Variants in GRID2 observed in about 807,000 individuals in gnomAD.
The protein encoded by GRID2 is glutamate receptor ionotropic, delta-2.
GRID2 carries 33 observed loss-of-function variants against 114.8 expected under a neutral mutation model. The observed-to-expected ratio is 0.29, with a 90% confidence interval of 0.22 to 0.38. The LOEUF is 0.38. GRID2 is among the 10% of genes least tolerant of loss of function. The probability of loss-of-function intolerance (pLI) is 1.00; values close to 1 mark genes in which losing one functional copy is unlikely to be tolerated. For missense variants in GRID2, 1,184 were observed against 1,257.7 expected (o/e 0.94, Z 0.89); for synonymous variants, 505 against 449.9 (o/e 1.12, Z -1.55).
intron 1 of GRID2, among the ~76,000 whole-genome samples, chr4:92,331,073 G>A (rs1165358567): frequency 1.3e-5 from 2 of 152,172 alleles, no homozygotes; most frequent in African/African-American, 4.8e-5. Flanking sequence ...CCTACTTGTA[G>A]TTCATAGGAG....
intron 8 of GRID2, among the ~76,000 whole-genome samples, chr4:93,263,187 T>G (rs1317027427): frequency 6.6e-6 from 1 of 152,062 alleles, no homozygotes; most frequent in Non-Finnish European, 1.5e-5. Flanking sequence ...GATTTTAATC[T>G]TTTGTCATAT....
chr4:93,006,944 CT>C (rs1337373392), intron 2 of GRID2, among the ~76,000 whole-genome samples: 1 of 151,476 alleles, frequency 6.6e-6, no homozygotes, highest in African/African-American at 2.4e-5. Flanking sequence ...ACAAAAAACC[CT>C]GTCTTAAATA....
At chr4:92,484,919 T>A (rs1722791398) in intron 1 of GRID2, among the ~76,000 whole-genome samples, 1 of 152,086 alleles carries the variant, frequency 6.6e-6, no homozygotes, top group Non-Finnish European at 1.5e-5. Context: ...TCCTTCATAT[T>A]ACATGGAAAT....
chr4:92,470,010 T>A (rs1358450226), intron 1 of GRID2, among the ~76,000 whole-genome samples: 3 of 151,930 alleles, frequency 2.0e-5, no homozygotes, highest in African/African-American at 7.2e-5. Flanking sequence ...AGACATGAAA[T>A]ATTTTTTGTA....
intron 2 of GRID2, among the ~76,000 whole-genome samples, chr4:92,849,385 G>C (rs556149068): frequency 2.0e-5 from 3 of 151,994 alleles, no homozygotes; most frequent in Admixed American, 2.0e-4. Context: ...AATTCTGCCT[G>C]GAATGCACTC....
chr4:93,787,991 C>A (rs1356160164), intron 1 of GRID2, among the ~76,000 whole-genome samples: 1 of 151,934 alleles, frequency 6.6e-6, no homozygotes, highest in East Asian at 1.9e-4. Context: ...GGTAAAATAT[C>A]CAGGTGGACA....
At chr4:92,603,951 C>T (rs1337290139) in intron 2 of GRID2, among the ~76,000 whole-genome samples, 6 of 151,644 alleles carry the variant, frequency 4.0e-5, no homozygotes, top group African/African-American at 7.3e-5. Flanking sequence ...TCAACATCAC[C>T]GATCATTAGA....
intron 1 of GRID2, among the ~76,000 whole-genome samples, chr4:92,548,422 G>A (rs1486566042): frequency 6.2e-4 from 1 of 1,618 alleles, no homozygotes; most frequent in Non-Finnish European, 1.8e-3. Flanking sequence ...TTTTTTTTGA[G>A]ACAGAGTCTT....
intron 2 of GRID2, among the ~76,000 whole-genome samples, chr4:92,743,852 G>A (rs1737015371): frequency 6.6e-6 from 1 of 152,212 alleles, no homozygotes; most frequent in Non-Finnish European, 1.5e-5. Flanking sequence ...CAACGAAATT[G>A]AGTGTAGACA....
At chr4:92,508,970 G>T (rs1477852315) in intron 1 of GRID2, among the ~76,000 whole-genome samples, 3 of 151,868 alleles carry the variant, frequency 2.0e-5, no homozygotes, top group Non-Finnish European at 2.9e-5. Flanking sequence ...AGGAGGCTTA[G>T]ACGGGAGGCA....
At chr4:93,548,479 GAT>G (rs1272805979) in intron 13 of GRID2, among the ~76,000 whole-genome samples, 2 of 152,160 alleles carry the variant, frequency 1.3e-5, no homozygotes, top group African/African-American at 4.8e-5. Flanking sequence ...TCATCTATGA[GAT>G]AGAGTCAGAT....
chr4:93,801,570 C>T (rs12647208), intron 1 of GRID2, among the ~76,000 whole-genome samples: 2,463 of 152,224 alleles, frequency 0.016, 24 homozygotes, highest in South Asian at 0.051. Context: ...ATTAACTCCT[C>T]CTTCTATGTA....
chr4:92,474,022 C>T (rs1401050813), intron 1 of GRID2, among the ~76,000 whole-genome samples: 1 of 146,510 alleles, frequency 6.8e-6, no homozygotes, highest in Non-Finnish European at 1.5e-5. Flanking sequence ...GCGATGACAA[C>T]AACTGAGAAC....
intron 2 of GRID2, among the ~76,000 whole-genome samples, chr4:92,980,068 TTAATAA>T (rs1179648754): frequency 6.6e-6 from 1 of 152,180 alleles, no homozygotes; most frequent in Non-Finnish European, 1.5e-5. Flanking sequence ...AATATTTGCC[TTAATAA>T]TAATGTGTGG....
chr4:92,998,113 A>G (rs1755317857), intron 2 of GRID2, among the ~76,000 whole-genome samples: 1 of 152,104 alleles, frequency 6.6e-6, no homozygotes, highest in Admixed American at 6.6e-5. Flanking sequence ...TTGACAGTTC[A>G]TACTCTACTC....
At chr4:93,456,086 G>T in intron 11 of GRID2, 112 bp downstream of exon 11, 1 of 666,672 alleles carries the variant, frequency 1.5e-6, no homozygotes, top group Non-Finnish European at 2.6e-6. Flanking sequence ...TGTTCTAAAG[G>T]GTACTCACAG....
At chr4:93,500,289 T>G (rs981593356) in intron 12 of GRID2, among the ~76,000 whole-genome samples, 3 of 151,932 alleles carry the variant, frequency 2.0e-5, no homozygotes, top group Admixed American at 2.0e-4. Flanking sequence ...TAGTGTTTAG[T>G]GTAAAGATTA....
intron 4 of GRID2, among the ~76,000 whole-genome samples, chr4:93,195,058 G>C (rs972846871): frequency 6.6e-6 from 1 of 152,050 alleles, no homozygotes; most frequent in Non-Finnish European, 1.5e-5. Flanking sequence ...CAAGAATTTT[G>C]TTCTAATTTT....
chr4:92,460,032 C>CTATATATATATATACATATATATA (rs1553937272), intron 1 of GRID2, among the ~76,000 whole-genome samples: 1 of 48,424 alleles, frequency 2.1e-5, no homozygotes, highest in African/African-American at 1.0e-4. Flanking sequence ...ATAAATCTCA[C>CTATATATATATATACATATATATA]TATATATATA....
Sources: gnomAD v4.1 joint callset for allele counts (sites outside exome capture counted in the v4.1 genomes callset) on GRCh38, gnomAD v4.1.1 for gene constraint, MANE v1.5 for transcripts, NCBI Gene and HGNC (gene_info 2026-07-23, HGNC 2026-07-21) for gene names.